TAF1: variants seen among roughly 807,000 people sequenced by gnomAD.
The protein encoded by TAF1 is transcription initiation factor TFIID subunit 1.
Under a neutral mutation model 138.5 loss-of-function variants are expected in TAF1, and 2 were observed. The ratio of observed to expected loss-of-function variants is 0.01; its 90% confidence interval spans 0.01 to 0.05. The LOEUF (loss-of-function observed/expected upper bound fraction) is 0.05, where lower values mean the gene tolerates loss of function less well. TAF1 is among the 10% of genes least tolerant of loss of function. The pLI is 1.00. For missense variants in TAF1, 709 were observed against 1,478.0 expected, an observed-to-expected ratio of 0.48 and a Z score of 8.53; for synonymous variants, 437 against 503.2, an observed-to-expected ratio of 0.87 and a Z score of 1.76.
chrX:71,387,963 G>T (rs1295295641), intron 15 of TAF1, among the ~76,000 whole-genome samples: 1 of 111,058 alleles, frequency 9.0e-6, no homozygotes, highest in Non-Finnish European at 1.9e-5. Flanking sequence ...AGCCAGGCAT[G>T]GTGGCGCACG....
intron 28 of TAF1, among the ~76,000 whole-genome samples, chrX:71,413,205 G>C (rs189608864): frequency 9.0e-6 from 1 of 111,720 alleles, no homozygotes; most frequent in Admixed American, 9.6e-5. Flanking sequence ...CCTAGGAGCC[G>C]AATTGCTGAG....
intron 13 of TAF1, chrX:71,485,109 C>T (rs752935357): frequency 8.9e-6 from 1 of 112,115 alleles, no homozygotes; most frequent in Admixed American, 9.5e-5. Context: ...TTGTGAGAAA[C>T]CCTGAACTGT....
Position 71,378,689 on chromosome X carries a change from C to T in TAF1, c.1153-135C>T, listed in dbSNP as rs754726746. ...CTAGGAGTGGGAAGAGGCAAATATTCCTCCGTTATCAGGTGGTTGTTTCAA... is the reference window on the plus strand; with the variant it reads ...CTAGGAGTGGGAAGAGGCAAATATTTCTCCGTTATCAGGTGGTTGTTTCAA... On this transcript the variant is annotated intron_variant, in intron 7 of 37. Transcript: ENST00000423759. 103 of 730,271 alleles carry T rather than the reference C, an allele frequency of 1.4e-4. 1 individual carries two copies. The African/African-American group carries it at 2.0e-3, about 14-fold the overall frequency. The allele number at this position is 730,271 out of a possible 1,213,427, so 60.2% of individuals were successfully genotyped here.
At chrX:71,423,270 G>A (rs1319551965) in intron 30 of TAF1, 31 bp downstream of exon 30, 1 of 1,208,828 alleles carries the variant, frequency 8.3e-7, no homozygotes, top group African/African-American at 1.7e-5. Context: ...ATACTGTGAG[G>A]ATCGTGCAGG....
chrX:71,438,219 T>A (rs1569347320), intron 32 of TAF1, among the ~76,000 whole-genome samples: 1 of 111,502 alleles, frequency 9.0e-6, no homozygotes, highest in Non-Finnish European at 1.9e-5. Flanking sequence ...ACTGTGTATT[T>A]CCAGAACTTT....
chrX:71,481,751 G>T (rs1180763212), intron 13 of TAF1, among the ~76,000 whole-genome samples: 1 of 110,882 alleles, frequency 9.0e-6, no homozygotes, highest in Non-Finnish European at 1.9e-5. Flanking sequence ...TAGAGGCGGG[G>T]TCTCACCGTG....
intron 32 of TAF1, among the ~76,000 whole-genome samples, chrX:71,426,850 C>T (rs1244383995): frequency 9.0e-6 from 1 of 111,587 alleles, no homozygotes; most frequent in Non-Finnish European, 1.9e-5. Flanking sequence ...GTACTTGATC[C>T]TAAATGGGAA....
chrX:71,459,859 C>G, intron 36 of TAF1, 151 bp downstream of exon 36: 4 of 1,007,691 alleles, frequency 4.0e-6, no homozygotes, highest in Non-Finnish European at 5.2e-6. Context: ...ACTGAGCACT[C>G]AGGCGTAGGA....
intron 15 of TAF1, among the ~76,000 whole-genome samples, 163 bp downstream of exon 15, chrX:71,387,624 C>T (rs1382031353): frequency 1.8e-5 from 2 of 111,616 alleles, no homozygotes; most frequent in Non-Finnish European, 3.8e-5. Flanking sequence ...CATGGTGAAA[C>T]CCTGTCTCTA....
intron 29 of TAF1, 72 bp from the exon 30 acceptor site, chrX:71,423,045 T>C: frequency 8.5e-7 from 1 of 1,182,645 alleles, no homozygotes; most frequent in East Asian, 3.0e-5. Flanking sequence ...CCCGGCAAAT[T>C]GTCCTTAACT....
At chrX:71,400,870 C>T (rs1346274443) in intron 24 of TAF1, among the ~76,000 whole-genome samples, 1 of 111,971 alleles carries the variant, frequency 8.9e-6, no homozygotes, top group Non-Finnish European at 1.9e-5. Context: ...GTATTGGCCC[C>T]ATTTTACAGA....
chrX:71,401,519 C>A lies in TAF1; in HGVS notation c.3787-9C>A. 1 of 1,211,294 alleles carries A rather than the reference C, an allele frequency of 8.3e-7. No individual in the cohort carries two copies. Among genetic ancestry groups the A allele is most frequent in the Admixed American group, 2.2e-5 (1 of 45,910 alleles). On this transcript the variant is annotated splice_polypyrimidine_tract_variant and intron_variant, in intron 24 of 37. Transcript: ENST00000423759. Reference sequence around the variant, plus strand: ...ACCTCTGACGTGTTTGATACTTTTCCTTTTGCAGCTGAAATGTGGGGCATG... The same window carrying A: ...ACCTCTGACGTGTTTGATACTTTTCATTTTGCAGCTGAAATGTGGGGCATG...
chrX:71,463,513 C>G (rs900036393), intron 37 of TAF1, among the ~76,000 whole-genome samples: 1 of 111,240 alleles, frequency 9.0e-6, no homozygotes, highest in African/African-American at 3.3e-5. Context: ...GGACTATTGA[C>G]TAATTGGATA....
At chrX:71,488,518 A>G (rs1322021051) in intron 13 of TAF1, among the ~76,000 whole-genome samples, 1 of 109,172 alleles carries the variant, frequency 9.2e-6, no homozygotes, top group Admixed American at 9.9e-5. Flanking sequence ...GCTGGTAGGT[A>G]GTTTCTTTGT....
chrX:71,465,555 T>C lies in TAF1; in HGVS notation c.*1509T>C, dbSNP rs1179575728. The C allele has an allele frequency of 1.8e-5, 2 of 111,928 alleles. No individual in the cohort carries two copies. The highest frequency in any genetic ancestry group is 6.5e-5 in the African/African-American group (2 of 30,801). 9.2% of individuals were successfully genotyped at this position (111,928 alleles called of 1,213,427 possible). A position where few individuals can be genotyped will look rare whatever the true frequency, so the allele number is the denominator to read the frequency against. On this transcript the variant is annotated 3_prime_UTR_variant, in exon 38 of 38. Coordinates refer to ENST00000423759, the MANE Select transcript of TAF1 (RefSeq NM_004606.5). Reference sequence around the variant, plus strand: ...TAATGTGGTTTATATTCCAGTCCTTTAATGCTGGAAGGGCTGAGATGAGAC... The same window carrying C: ...TAATGTGGTTTATATTCCAGTCCTTCAATGCTGGAAGGGCTGAGATGAGAC...
intron 28 of TAF1, among the ~76,000 whole-genome samples, chrX:71,417,721 A>AAT (rs2036099191): frequency 9.0e-6 from 1 of 111,612 alleles, no homozygotes; most frequent in African/African-American, 3.3e-5. Flanking sequence ...TTGTGCTGTC[A>AAT]GCAGTAAATG....
intron 37 of TAF1, 107 bp from the exon 38 acceptor site, chrX:71,463,717 T>C (rs2038647148): frequency 1.5e-5 from 11 of 724,284 alleles, no homozygotes; most frequent in East Asian, 3.3e-5. Context: ...GTCACTTTAG[T>C]GTCCAGGGGA....
intron 32 of TAF1, among the ~76,000 whole-genome samples, chrX:71,452,922 G>T (rs943398811): frequency 8.9e-6 from 1 of 112,301 alleles, no homozygotes; most frequent in Non-Finnish European, 1.9e-5. Flanking sequence ...CCAGTCAGGC[G>T]TGGTGGCGCG....
intron 13 of TAF1, chrX:71,485,086 T>A (rs2039146981): frequency 8.9e-6 from 1 of 112,068 alleles, no homozygotes; most frequent in African/African-American, 3.2e-5. Context: ...TGGCCAACAC[T>A]TTGACTGCAA....
Sources: gnomAD v4.1 joint callset for allele counts (sites outside exome capture counted in the v4.1 genomes callset) on GRCh38, gnomAD v4.1.1 for gene constraint, MANE v1.5 for transcripts, NCBI Gene and HGNC (gene_info 2026-07-23, HGNC 2026-07-21) for gene names.